Variants in ARHGEF10L observed in about 807,000 individuals in gnomAD.
ARHGEF10L encodes Rho guanine nucleotide exchange factor 10 like.
ARHGEF10L carries 69 observed loss-of-function variants against 141.2 expected under a neutral mutation model. The ratio of observed to expected loss-of-function variants is 0.49; its 90% CI spans 0.40 to 0.60. ARHGEF10L has a LOEUF of 0.60. ARHGEF10L is among the 20% of genes least tolerant of loss of function. The pLI is 0.00. For missense variants in ARHGEF10L, 1,482 were observed against 1,734.3 expected (o/e 0.85, Z 2.58); for synonymous variants, 711 against 718.5 (o/e 0.99, Z 0.17).
the ARHGEF10L span, among the ~76,000 whole-genome samples, chr1:17,516,289 C>T: frequency 6.6e-6 from 1 of 152,256 alleles, no homozygotes; most frequent in African/African-American, 2.4e-5. Context: ...TCTCTGAACT[C>T]GTGGTTCCTT....
intron 1 of ARHGEF10L, among the ~76,000 whole-genome samples, chr1:17,540,938 GC>G (rs1278356102): frequency 6.6e-6 from 1 of 152,154 alleles, no homozygotes; most frequent in Non-Finnish European, 1.5e-5. Flanking sequence ...CCAGCACTGT[GC>G]CCCCCACGGT....
Position 17,697,282 on chromosome 1 carries a change from C to T in ARHGEF10L, c.3742C>T (p.Arg1248Cys), listed in dbSNP as rs763986259. 18 of 1,612,652 alleles carry T rather than the reference C, an allele frequency of 1.1e-5. No individual in the cohort carries two copies. Among genetic ancestry groups the T allele is most frequent in the East Asian group, 8.9e-5 (4 of 44,876 alleles). Residue 1248 changes from arginine (R) to cysteine (C), a missense_variant, in exon 29 of 29, where the codon CGC (arginine) becomes TGC (cysteine). By Grantham distance (180) the Arg-to-Cys change is radical. This residue lies in a region of ARHGEF10L where 858 missense variants were observed against 966.3 expected (regional missense o/e 0.89). Transcript: ENST00000361221. The surrounding 1 kb of genome is among the most constrained non-coding windows in gnomAD (Gnocchi z 4.8). ...CATCATCTCCGGCGGGCAGGGCTAC[C>T]GCAACTTTGGCAGCGCTCTGGGCAG... ...VAIISGGQGY[R>C]NFGSALGSSG...
At chr1:17,538,823 A>G (rs1447507411), upstream of ARHGEF10L, among the ~76,000 whole-genome samples, 1 of 152,150 alleles carries the variant, frequency 6.6e-6, no homozygotes, top group Non-Finnish European at 1.5e-5. Context: ...CCCAGGAGTA[A>G]TTGCTGATAA....
At chr1:17,676,422 G>A (rs1322215512) in intron 26 of ARHGEF10L, among the ~76,000 whole-genome samples, 1 of 151,072 alleles carries the variant, frequency 6.6e-6, no homozygotes, top group Non-Finnish European at 1.5e-5. Flanking sequence ...ATGTGTAGGT[G>A]CAGGCATGGG....
chr1:17,677,738 T>A (rs2063813165), intron 26 of ARHGEF10L, among the ~76,000 whole-genome samples: 2 of 152,358 alleles, frequency 1.3e-5, no homozygotes, highest in South Asian at 4.1e-4. Context: ...ATTAATATTA[T>A]CACACCCACT....
rs544398904 is a variant in ARHGEF10L at position 17,627,917 on chromosome 1, A to G, written c.1584+414A>G. 7.2e-5 allele frequency among the ~76,000 whole-genome samples: 11 copies of G among 152,234 alleles called. No homozygotes were observed. In the East Asian group the frequency reaches 1.7e-3, roughly 24 times the overall value. ...GAGCATTTAATAGCACCGGAGCCCT[A>G]GGGCTGCTGCCGCAAAAGAGGGAGC... On this transcript the variant is annotated intron_variant, in intron 15 of 28. Coordinates refer to ENST00000361221, the MANE Select transcript of ARHGEF10L (RefSeq NM_018125.4). The surrounding 1 kb of genome is among the most constrained non-coding windows in gnomAD (Gnocchi z 4.0).
rs1220760470 is a variant in ARHGEF10L at position 17,627,704 on chromosome 1, T to C, written c.1584+201T>C. ...CATTCCTGTTCATGTTATTTTAAGA[T>C]AAAAGTTCATTTTGTGCATCAGTGT... On this transcript the variant is annotated intron_variant, in intron 15 of 28. Coordinates refer to ENST00000361221, the MANE Select transcript of ARHGEF10L (RefSeq NM_018125.4). This position sits in a 1 kb window ranked among gnomAD's most constrained non-coding sequence, Gnocchi z 4.0. 6.6e-6 allele frequency among the ~76,000 whole-genome samples: 1 copy of C among 152,194 alleles called. No individual in the cohort carries two copies. The highest frequency in any genetic ancestry group is 2.4e-5 in the African/African-American group (1 of 41,450).
the ARHGEF10L span, among the ~76,000 whole-genome samples, chr1:17,517,473 G>A: frequency 1.3e-5 from 2 of 149,866 alleles, no homozygotes; most frequent in Non-Finnish European, 3.0e-5. Context: ...ACAGGTGCGT[G>A]CCACCATGCC....
At chr1:17,645,625 C>T (rs1451982385) in intron 21 of ARHGEF10L, among the ~76,000 whole-genome samples, 1 of 152,064 alleles carries the variant, frequency 6.6e-6, no homozygotes, top group Admixed American at 6.5e-5. Flanking sequence ...CAAATCTGGC[C>T]TATCTTTATT....
At position 17,607,967 on chromosome 1, in the gene ARHGEF10L, T is replaced by C; in HGVS notation, c.599T>C (p.Phe200Ser). The change falls in exon 7 of 29, where the codon TTC becomes TCC. Residue 200 changes from phenylalanine to serine, a missense_variant. Coordinates refer to ENST00000361221, the MANE Select transcript of ARHGEF10L (RefSeq NM_018125.4). This position sits in a 1 kb window ranked among gnomAD's most constrained non-coding sequence, Gnocchi z 4.5. ...GAGCCCGCCAAGCACCGAGTGTCCT[T>C]CCAGCCCAAGGTGAGGGGACCGGGG... is the stretch of plus-strand genomic sequence containing the variant. ...EVEPAKHRVS[F>S]QPKLSPDLTR... The C allele has an allele frequency of 8.0e-7, 1 of 1,246,626 alleles. No homozygotes were observed. Among genetic ancestry groups the C allele is most frequent in the Non-Finnish European group, 1.0e-6 (1 of 968,970 alleles). The allele number at this position is 1,246,626 out of a possible 1,614,324, so 77.2% of individuals were successfully genotyped here.
chr1:17,690,716 C>T (rs986987238), intron 27 of ARHGEF10L, among the ~76,000 whole-genome samples: 2 of 152,152 alleles, frequency 1.3e-5, no homozygotes, highest in African/African-American at 4.8e-5. Context: ...AGCCTGGGGC[C>T]CTGCCAGACC....
chr1:17,637,916 C>T lies in ARHGEF10L; in HGVS notation c.1956C>T (p.Leu652=). 2.5e-6 allele frequency: 4 copies of T among 1,598,684 alleles called. No individual in the cohort carries two copies. The highest frequency in any genetic ancestry group is 3.4e-6 in the Non-Finnish European group (4 of 1,172,664). ...QNKVYLGPPR[L]FQELQDLQKD... ...AGGTGTACCTCGGCCCCCCACGCCT[C>T]TTCCAGGAGCTGCAGGACCTGCAGA... The change falls in exon 19 of 29, where the codon CTC becomes CTT. Residue 652 remains leucine (L), a synonymous_variant. Transcript: ENST00000361221.
the ARHGEF10L span, among the ~76,000 whole-genome samples, chr1:17,517,141 G>A: frequency 6.6e-6 from 1 of 152,122 alleles, no homozygotes; most frequent in South Asian, 2.1e-4. Context: ...CCTCATTTGG[G>A]TAACCAGGTG....
At chr1:17,640,946 T>C (rs1200330277) in intron 21 of ARHGEF10L, among the ~76,000 whole-genome samples, 11 of 152,230 alleles carry the variant, frequency 7.2e-5, no homozygotes, top group Non-Finnish European at 1.3e-4. Context: ...CCTTAAGAGT[T>C]AGGTCTGTTG....
intron 8 of ARHGEF10L, 56 bp from the exon 9 acceptor site, chr1:17,616,038 G>A (rs765271929): frequency 2.2e-5 from 33 of 1,504,330 alleles, no homozygotes; most frequent in Non-Finnish European, 2.7e-5. Flanking sequence ...GGTGGCCCTC[G>A]GTAGCAGGCA....
At chr1:17,651,732 G>A (rs113313178) in intron 22 of ARHGEF10L, among the ~76,000 whole-genome samples, 257 of 152,276 alleles carry the variant, frequency 1.7e-3, no homozygotes, top group African/African-American at 5.9e-3. Context: ...TGCTGGCCCC[G>A]GCTCACTGTC....
the ARHGEF10L span, among the ~76,000 whole-genome samples, chr1:17,515,455 G>A: frequency 6.6e-6 from 1 of 151,734 alleles, no homozygotes; most frequent in Non-Finnish European, 1.5e-5. Flanking sequence ...CACCATGCCT[G>A]GCTAATTTTT....
At chr1:17,564,720 C>G (rs1356290691) in intron 1 of ARHGEF10L, among the ~76,000 whole-genome samples, 1 of 152,174 alleles carries the variant, frequency 6.6e-6, no homozygotes, top group Non-Finnish European at 1.5e-5. Context: ...TGGCCCCTGT[C>G]TCAGAGGGTT....
chr1:17,563,545 T>C (rs1225142625), intron 1 of ARHGEF10L, among the ~76,000 whole-genome samples: 1 of 152,138 alleles, frequency 6.6e-6, no homozygotes, highest in African/African-American at 2.4e-5. Flanking sequence ...CCTTTTTCTT[T>C]TCTGTTTGTT....
Sources: gnomAD v4.1 joint callset for allele counts (sites outside exome capture counted in the v4.1 genomes callset) on GRCh38, gnomAD v4.1.1 for gene constraint, gnomAD v4.1.1 regional missense constraint, Gnocchi (gnomAD v3.1) non-coding constraint, MANE v1.5 for transcripts, NCBI Gene and HGNC (gene_info 2026-07-23, HGNC 2026-07-21) for gene names.